The following ST6GALNAC3 variants were observed in gnomAD, a reference collection of about 807,000 sequenced individuals.
The protein encoded by ST6GALNAC3 is alpha-N-acetylgalactosaminide alpha-2,6-sialyltransferase 3.
A neutral mutation model predicts 32.7 loss-of-function variants in ST6GALNAC3; 25 were observed. The ratio of observed to expected loss-of-function variants is 0.76; its 90% CI spans 0.56 to 1.07. ST6GALNAC3 has a LOEUF of 1.07. Among genes scored for constraint, ST6GALNAC3 ranks in the 50% least tolerant of loss-of-function variants. The pLI is 0.00. For synonymous variants in ST6GALNAC3, 129 were observed against 133.1 expected, an observed-to-expected ratio of 0.97 and a Z score of 0.21; for missense variants, 355 against 382.4, an observed-to-expected ratio of 0.93 and a Z score of 0.60.
chr1:76,438,594 T>C (rs1656333560), intron 3 of ST6GALNAC3, among the ~76,000 whole-genome samples: 1 of 152,234 alleles, frequency 6.6e-6, no homozygotes, highest in African/African-American at 2.4e-5. Context: ...TCTCTTTTTA[T>C]ATCTTTTGGC....
chr1:76,224,506 A>G (rs1655960508), intron 1 of ST6GALNAC3, among the ~76,000 whole-genome samples: 1 of 152,364 alleles, frequency 6.6e-6, no homozygotes. Flanking sequence ...AATGATTTAC[A>G]TAATCTGGAC....
chr1:76,336,217 G>A (rs768700208), intron 2 of ST6GALNAC3, among the ~76,000 whole-genome samples: 1 of 152,196 alleles, frequency 6.6e-6, no homozygotes, highest in African/African-American at 2.4e-5. Flanking sequence ...AAGCAAGTTA[G>A]AGTTCAGTGA....
At chr1:76,328,952 G>A (rs1437185594) in intron 2 of ST6GALNAC3, among the ~76,000 whole-genome samples, 1 of 151,928 alleles carries the variant, frequency 6.6e-6, no homozygotes, top group Non-Finnish European at 1.5e-5. Flanking sequence ...TATTTTTTTA[G>A]GGCATGAGTC....
intron 1 of ST6GALNAC3, among the ~76,000 whole-genome samples, chr1:76,231,988 G>A (rs1039671157): frequency 2.0e-5 from 3 of 152,172 alleles, no homozygotes; most frequent in Admixed American, 6.5e-5. Flanking sequence ...TTGACAACAA[G>A]GCTTCGAGGT....
In ST6GALNAC3 at chr1:76,518,783, G is replaced by T. The variant is rs541406219; in HGVS notation, c.623+106366G>T. Among the ~76,000 whole-genome samples, 10 of 152,200 alleles carry T rather than the reference G, an allele frequency of 6.6e-5. No individual in the cohort carries two copies. The East Asian group carries it at 1.9e-3, about 29-fold the overall frequency. ...AAATTGCCCTTTAAAGTGTCATTTA[G>T]TGGGGGCGCAGTGGCTCATGCCTGT... On this transcript the variant is annotated intron_variant, in intron 3 of 4. Coordinates refer to ENST00000328299, the MANE Select transcript of ST6GALNAC3 (RefSeq NM_152996.4).
chr1:76,397,444 A>G (rs1653061363), intron 2 of ST6GALNAC3, among the ~76,000 whole-genome samples: 1 of 139,058 alleles, frequency 7.2e-6, no homozygotes, highest in South Asian at 2.2e-4. Flanking sequence ...ATCTCAGCCC[A>G]CTGCAACCTC....
intron 1 of ST6GALNAC3, among the ~76,000 whole-genome samples, chr1:76,109,110 G>T (rs1180425531): frequency 6.6e-6 from 1 of 152,132 alleles, no homozygotes; most frequent in Non-Finnish European, 1.5e-5. Context: ...TGGAGTCCTA[G>T]AATAGAGGAA....
intron 3 of ST6GALNAC3, among the ~76,000 whole-genome samples, chr1:76,615,377 G>A (rs1648227809): frequency 6.6e-6 from 1 of 152,144 alleles, no homozygotes; most frequent in Admixed American, 6.5e-5. Flanking sequence ...ACCACCAAGA[G>A]AGCTCCAAAA....
At chr1:76,589,987 G>A (rs1480741145) in intron 3 of ST6GALNAC3, among the ~76,000 whole-genome samples, 1 of 152,014 alleles carries the variant, frequency 6.6e-6, no homozygotes, top group Admixed American at 6.6e-5. Flanking sequence ...TCTTTCAATG[G>A]GCTAAGTATC....
intron 1 of ST6GALNAC3, among the ~76,000 whole-genome samples, chr1:76,272,182 T>C (rs946016041): frequency 2.6e-5 from 4 of 151,430 alleles, no homozygotes; most frequent in Admixed American, 6.6e-5. Context: ...AAAAATCAGC[T>C]GGGTGTGGTG....
chr1:76,375,439 G>C (rs903966524), intron 2 of ST6GALNAC3, among the ~76,000 whole-genome samples: 1 of 152,150 alleles, frequency 6.6e-6, no homozygotes, highest in African/African-American at 2.4e-5. Flanking sequence ...GTTTATTTTT[G>C]CTAAGGAAAA....
At position 76,630,094 on chromosome 1, in the gene ST6GALNAC3, C is replaced by G; in HGVS notation, c.*1288C>G. 1 of 985,186 alleles carries G rather than the reference C, an allele frequency of 1.0e-6. No individual in the cohort carries two copies. The highest frequency in any genetic ancestry group is 1.2e-6 in the Non-Finnish European group (1 of 829,824). The allele number at this position is 985,186 out of a possible 1,614,324, so 61.0% of individuals were successfully genotyped here. On this transcript the variant is annotated 3_prime_UTR_variant, in exon 5 of 5. Coordinates refer to ENST00000328299, the MANE Select transcript of ST6GALNAC3 (RefSeq NM_152996.4). ...CCCATTGGGCTATTGTCTGTGTATT[C>G]TGCTCTCTTTAGCAGATGATCTGTA...
intron 1 of ST6GALNAC3, chr1:76,307,809 T>G: frequency 2.4e-6 from 1 of 419,850 alleles, no homozygotes; most frequent in South Asian, 1.8e-5. Context: ...TAATATAGAT[T>G]GCAAATTTGC....
intron 1 of ST6GALNAC3, among the ~76,000 whole-genome samples, chr1:76,122,696 G>C (rs150827328): frequency 5.0e-4 from 76 of 152,314 alleles, no homozygotes; most frequent in Middle Eastern, 6.8e-3. Flanking sequence ...ATATGGGGGT[G>C]ATTATGCTTG....
intron 3 of ST6GALNAC3, among the ~76,000 whole-genome samples, chr1:76,455,026 T>A (rs1657675474): frequency 6.6e-6 from 1 of 152,144 alleles, no homozygotes; most frequent in Admixed American, 6.6e-5. Flanking sequence ...CATCTCATTG[T>A]CCTTTTATTC....
chr1:76,547,840 C>T (rs975222159), intron 3 of ST6GALNAC3, among the ~76,000 whole-genome samples: 13 of 139,974 alleles, frequency 9.3e-5, no homozygotes, highest in Admixed American at 1.5e-4. Flanking sequence ...CCAGCCCCAG[C>T]GACAATGCGA....
intron 1 of ST6GALNAC3, among the ~76,000 whole-genome samples, chr1:76,161,484 C>T (rs865853816): frequency 4.6e-5 from 7 of 152,198 alleles, no homozygotes; most frequent in Non-Finnish European, 8.8e-5. Context: ...AGAACAAGTT[C>T]CACTCTCCCT....
At chr1:76,621,350 T>C (rs1648637188) in intron 3 of ST6GALNAC3, among the ~76,000 whole-genome samples, 1 of 152,074 alleles carries the variant, frequency 6.6e-6, no homozygotes, top group Non-Finnish European at 1.5e-5. Flanking sequence ...TGGTTCATTC[T>C]CTTAAGAATT....
chr1:76,442,145 C>T (rs1656658517), intron 3 of ST6GALNAC3, among the ~76,000 whole-genome samples: 23 of 152,134 alleles, frequency 1.5e-4, no homozygotes, highest in Admixed American at 1.5e-3. Context: ...TGCAGTTTCC[C>T]CTTCCATAAA....
Sources: allele counts gnomAD v4.1 joint callset (sites outside exome capture counted in the v4.1 genomes callset), GRCh38; gene constraint gnomAD v4.1.1; transcripts MANE v1.5; gene names NCBI Gene and HGNC (gene_info 2026-07-23, HGNC 2026-07-21).